The following RAB3B variants were observed in gnomAD, a reference collection of about 807,000 sequenced individuals.
The protein encoded by RAB3B is ras-related protein Rab-3B.
Under a neutral mutation model 20.5 loss-of-function variants are expected in RAB3B, and 11 were observed. The observed-to-expected ratio is 0.54, with a 90% confidence interval of 0.34 to 0.89. RAB3B has a LOEUF of 0.89. RAB3B is among the 40% of genes least tolerant of loss of function. The probability of loss-of-function intolerance (pLI) is 0.02; values close to 1 mark genes in which losing one functional copy is unlikely to be tolerated. For synonymous variants in RAB3B, 99 were observed against 106.3 expected, an observed-to-expected ratio of 0.93 and a Z score of 0.42; for missense variants, 225 against 280.9, an observed-to-expected ratio of 0.80 and a Z score of 1.42.
intron 2 of RAB3B, among the ~76,000 whole-genome samples, chr1:51,976,289 C>T (rs1685008328): frequency 1.3e-5 from 2 of 152,060 alleles, no homozygotes; most frequent in South Asian, 4.1e-4. Flanking sequence ...CCTCAGCCTC[C>T]CAAGTAATGG....
At chr1:51,938,153 ACTGTGCCC>A (rs368055941) in intron 2 of RAB3B, among the ~76,000 whole-genome samples, 51 of 151,866 alleles carry the variant, frequency 3.4e-4, no homozygotes, top group African/African-American at 1.1e-3. Context: ...GTTTTGTGCC[ACTGTGCCC>A]AGCCCCTTAT....
chr1:51,943,669 C>T (rs1170121321), intron 2 of RAB3B, among the ~76,000 whole-genome samples: 1 of 152,116 alleles, frequency 6.6e-6, no homozygotes, highest in Non-Finnish European at 1.5e-5. Context: ...ACCTTATTGG[C>T]AATATGTAGA....
intron 2 of RAB3B, among the ~76,000 whole-genome samples, chr1:51,971,710 C>T (rs912815870): frequency 9.9e-5 from 15 of 152,086 alleles, no homozygotes; most frequent in Admixed American, 2.6e-4. Flanking sequence ...GGATTACAGG[C>T]GTGGGCCACT....
At chr1:51,924,647 G>A (rs996998984) in intron 4 of RAB3B, among the ~76,000 whole-genome samples, 2 of 152,118 alleles carry the variant, frequency 1.3e-5, no homozygotes, top group South Asian at 2.1e-4. Context: ...CCAAAGAGAT[G>A]TCTTTACTGT....
rs1684046623 is a variant in RAB3B at position 51,914,003 on chromosome 1, A to T, written c.*5924T>A. 1 of 152,272 alleles carries T rather than the reference A, an allele frequency of 6.6e-6. No homozygotes were observed. The highest frequency in any genetic ancestry group is 1.5e-5 in the Non-Finnish European group (1 of 68,080). 9.4% of individuals were successfully genotyped at this position (152,272 alleles called of 1,614,324 possible). ...CCCCAGTCATCTCAGCTGGGACCCC[A>T]GACATGTGGATGTAGCTATCCTAGA... On this transcript the variant is annotated 3_prime_UTR_variant, in exon 5 of 5. Transcript: ENST00000371655.
intron 2 of RAB3B, among the ~76,000 whole-genome samples, chr1:51,968,577 ATCC>A (rs1367747331): frequency 6.6e-6 from 1 of 152,102 alleles, no homozygotes; most frequent in Non-Finnish European, 1.5e-5. Flanking sequence ...AAGAGCCACA[ATCC>A]TCCTTCTTCC....
At position 51,913,837 on chromosome 1, in the gene RAB3B, A is replaced by G. The variant is rs986319536; in HGVS notation, c.*6090T>C. 3.3e-5 allele frequency: 5 copies of G among 152,218 alleles called. No individual in the cohort carries two copies. Among genetic ancestry groups the G allele is most frequent in the African/African-American group, 1.2e-4 (5 of 41,458 alleles). The allele number at this position is 152,218 out of a possible 1,614,324, so 9.4% of individuals were successfully genotyped here. A position where few individuals can be genotyped will look rare whatever the true frequency, so the allele number is the denominator to read the frequency against. ...TTGTGTTCATCAGTGAGACATTGGC[A>G]AATGTGATGGAAACAGAGCTTGAAA... On this transcript the variant is annotated 3_prime_UTR_variant, in exon 5 of 5. Transcript: ENST00000371655.
intron 1 of RAB3B, among the ~76,000 whole-genome samples, chr1:51,981,439 C>T (rs1685086391): frequency 6.6e-6 from 1 of 152,216 alleles, no homozygotes. Context: ...TTCCCCTCCC[C>T]AGAGGCATAC....
chr1:51,971,950 G>A (rs556261947), intron 2 of RAB3B, among the ~76,000 whole-genome samples: 1 of 152,276 alleles, frequency 6.6e-6, no homozygotes, highest in East Asian at 1.9e-4. Flanking sequence ...GGAGGCCGAG[G>A]TAGGTGGATC....
chr1:51,976,594 T>G (rs1158420840), intron 2 of RAB3B, among the ~76,000 whole-genome samples: 1 of 152,138 alleles, frequency 6.6e-6, no homozygotes, highest in Non-Finnish European at 1.5e-5. Context: ...TAGTAAGTGG[T>G]AGAAGCAGAA....
intron 3 of RAB3B, among the ~76,000 whole-genome samples, chr1:51,936,467 C>T (rs547783818): frequency 1.9e-4 from 29 of 152,282 alleles, no homozygotes; most frequent in Non-Finnish European, 2.9e-5. Flanking sequence ...CAGTAATCTT[C>T]CTGAAACACA....
intron 3 of RAB3B, among the ~76,000 whole-genome samples, chr1:51,934,394 CT>C (rs1388252290): frequency 6.6e-6 from 1 of 152,176 alleles, no homozygotes; most frequent in African/African-American, 2.4e-5. Context: ...TAAACCTTCC[CT>C]GAAGCCTCGG....
chr1:51,921,859 C>T (rs576642003), intron 4 of RAB3B, among the ~76,000 whole-genome samples: 1 of 152,340 alleles, frequency 6.6e-6, no homozygotes, highest in Admixed American at 6.5e-5. Context: ...AAGGAGGGAT[C>T]TCTTTCCCCC....
chr1:51,982,945 T>C (rs1685106451), intron 1 of RAB3B, among the ~76,000 whole-genome samples: 1 of 152,166 alleles, frequency 6.6e-6, no homozygotes, highest in African/African-American at 2.4e-5. Flanking sequence ...GGTAATGTCC[T>C]AGGCCTTCAC....
intron 2 of RAB3B, among the ~76,000 whole-genome samples, chr1:51,970,361 C>T (rs898228358): frequency 2.4e-4 from 36 of 152,102 alleles, no homozygotes; most frequent in Non-Finnish European, 4.9e-4. Context: ...CCTGTGCATG[C>T]TCTCGCTCCC....
At chr1:51,989,103 G>GCACACA (rs60307928) in intron 1 of RAB3B, among the ~76,000 whole-genome samples, 9,632 of 132,658 alleles carry the variant, frequency 0.073, 501 homozygotes, top group African/African-American at 0.088. Context: ...CTGTGCGCGC[G>GCACACA]CACACACACA....
chr1:51,922,517 A>C (rs1438253283), intron 4 of RAB3B, among the ~76,000 whole-genome samples: 4 of 152,096 alleles, frequency 2.6e-5, no homozygotes, highest in Non-Finnish European at 5.9e-5. Context: ...AATCCATGAA[A>C]GTATATGACA....
chr1:51,931,864 T>G (rs1015761963), intron 4 of RAB3B, among the ~76,000 whole-genome samples: 5 of 151,924 alleles, frequency 3.3e-5, no homozygotes, highest in Admixed American at 1.3e-4. Context: ...TCCAAGCAGA[T>G]GAAATATAGT....
Position 51,919,774 on chromosome 1 carries a change from C to T in RAB3B, c.*153G>A, listed in dbSNP as rs1024239353. The T allele has an allele frequency of 5.5e-6, 4 of 728,648 alleles. No homozygotes were observed. The African/African-American group carries it at 7.1e-5, about 13-fold the overall frequency. The allele number at this position is 728,648 out of a possible 1,614,324, so 45.1% of individuals were successfully genotyped here. A position where few individuals can be genotyped will look rare whatever the true frequency, so the allele number is the denominator to read the frequency against. On this transcript the variant is annotated 3_prime_UTR_variant, in exon 5 of 5. Transcript: ENST00000371655. ...TACTGGGACCATCTGCAGAGAACCC[C>T]AGGGGCAGGCAAAGAATAGCAGCAA...
Sources: gnomAD v4.1 joint callset for allele counts (sites outside exome capture counted in the v4.1 genomes callset) on GRCh38, gnomAD v4.1.1 for gene constraint, MANE v1.5 for transcripts, NCBI Gene and HGNC (gene_info 2026-07-23, HGNC 2026-07-21) for gene names.